Variants in OCA2 observed in about 807,000 individuals in gnomAD.
OCA2 encodes OCA2 melanosomal transmembrane protein.
A neutral mutation model predicts 100.2 loss-of-function variants in OCA2; 77 were observed. That is an observed-to-expected ratio of 0.77 (90% CI 0.64 to 0.93). The LOEUF is 0.93. Ranked by LOEUF, OCA2 falls within the 40% of genes least tolerant of loss-of-function variation. The pLI is 0.00. For missense variants in OCA2, 1,062 were observed against 1,089.1 expected (o/e 0.98, Z 0.35); for synonymous variants, 432 against 439.2 (o/e 0.98, Z 0.21).
intron 23 of OCA2, among the ~76,000 whole-genome samples, chr15:27,759,398 A>C (rs1002280444): frequency 2.0e-5 from 3 of 152,188 alleles, no homozygotes; most frequent in African/African-American, 4.8e-5. Flanking sequence ...AATATGATAA[A>C]CTTTCCTTTT....
At chr15:28,098,302 C>G (rs901077583) in intron 1 of OCA2, among the ~76,000 whole-genome samples, 4 of 152,254 alleles carry the variant, frequency 2.6e-5, no homozygotes, top group Admixed American at 1.3e-4. Context: ...ATTAGTTCTT[C>G]TATGAGAGAT....
intron 23 of OCA2, among the ~76,000 whole-genome samples, chr15:27,761,556 C>T (rs574256897): frequency 1.1e-4 from 17 of 151,786 alleles, no homozygotes; most frequent in Non-Finnish European, 1.5e-4. Context: ...TAATTTGCCC[C>T]AAATTGATTC....
intron 23 of OCA2, among the ~76,000 whole-genome samples, chr15:27,785,675 C>T (rs1327533247): frequency 6.6e-6 from 1 of 152,144 alleles, no homozygotes; most frequent in Non-Finnish European, 1.5e-5. Flanking sequence ...CTATGGAAGA[C>T]AGTATGGCAG....
At chr15:28,011,301 C>CA (rs921838690) in intron 9 of OCA2, among the ~76,000 whole-genome samples, 4 of 151,902 alleles carry the variant, frequency 2.6e-5, no homozygotes, top group African/African-American at 7.2e-5. Flanking sequence ...CCTGATTCTA[C>CA]AAAAAAAATT....
intron 2 of OCA2, among the ~76,000 whole-genome samples, chr15:28,056,305 T>TGG (rs1240167390): frequency 2.0e-5 from 3 of 152,164 alleles, no homozygotes; most frequent in Non-Finnish European, 4.4e-5. Context: ...GACAGGAGCC[T>TGG]CTCTTCTTGA....
chr15:28,010,172 A>G (rs866043593), intron 9 of OCA2, among the ~76,000 whole-genome samples: 57 of 152,264 alleles, frequency 3.7e-4, no homozygotes, highest in African/African-American at 1.3e-3. Context: ...TTTAAAAAAA[A>G]AGAGAGAGAG....
At chr15:27,719,353 A>G in the OCA2 span, among the ~76,000 whole-genome samples, 1 of 152,090 alleles carries the variant, frequency 6.6e-6, no homozygotes, top group Non-Finnish European at 1.5e-5. Flanking sequence ...GTCGTATTTA[A>G]TTAGGACTCT....
intron 19 of OCA2, among the ~76,000 whole-genome samples, chr15:27,892,157 T>C (rs908071159): frequency 3.3e-5 from 5 of 152,054 alleles, no homozygotes; most frequent in South Asian, 2.1e-4. Flanking sequence ...CTAATAGAAA[T>C]GCTACACAGA....
rs141627675 is a variant in OCA2 at position 27,983,474 on chromosome 15, C to T, written c.1374G>A (p.Glu458=). The T allele has an allele frequency of 3.0e-4, 479 of 1,614,192 alleles. No homozygotes were observed. The African/African-American group carries it at 5.7e-3, about 19-fold the overall frequency. Residue 458 remains glutamate (E), a synonymous_variant, in exon 14 of 24, where the codon GAG becomes GAA. Coordinates refer to ENST00000354638, the MANE Select transcript of OCA2 (RefSeq NM_000275.3). ...CTTGTCTTGGATCAAGGTTGAGCAC[C>T]TCACACAACCTGTCACAAATGGAGG... ...LFTPVTIRLC[E]VLNLDPRQVL... is the part of the protein sequence containing the mutation.
At position 27,905,163 on chromosome 15, in the gene OCA2, C is replaced by CAAAA. The variant is rs35906783; in HGVS notation, c.2079+20960_2079+20963dup. On this transcript the variant is annotated intron_variant, in intron 19 of 23. Transcript: ENST00000354638. Reference sequence around the variant, plus strand: ...TGGGCAACAGAATGAGACTCCACCTCAAAAAAAAAAAAAAAAAATTGGCAA... The same window carrying CAAAA: ...TGGGCAACAGAATGAGACTCCACCTCAAAAAAAAAAAAAAAAAAAAAATTGGCAA... 2.6e-3 allele frequency among the ~76,000 whole-genome samples: 298 copies of CAAAA among 114,544 alleles called. 5 individuals carry two copies. The highest frequency in any genetic ancestry group is 0.017 in the East Asian group (66 of 3,994). The allele number at this position is 114,544 out of a possible 152,430, so 75.1% of individuals were successfully genotyped here.
intron 18 of OCA2, among the ~76,000 whole-genome samples, chr15:27,940,587 G>A (rs1167169438): frequency 1.4e-5 from 2 of 144,844 alleles, no homozygotes; most frequent in Non-Finnish European, 3.0e-5. Flanking sequence ...GTTGTGTCAA[G>A]CTTCCAAGAC....
intron 2 of OCA2, among the ~76,000 whole-genome samples, chr15:28,058,934 G>A (rs2043788753): frequency 6.6e-6 from 1 of 152,198 alleles, no homozygotes; most frequent in South Asian, 2.1e-4. Flanking sequence ...AGGGGATGCA[G>A]TGGAGGTCCC....
intron 21 of OCA2, among the ~76,000 whole-genome samples, chr15:27,853,525 T>A (rs1446692681): frequency 6.6e-6 from 1 of 150,846 alleles, no homozygotes; most frequent in Non-Finnish European, 1.5e-5. Flanking sequence ...TATACATATG[T>A]AACTAACCTG....
At chr15:27,970,974 C>T (rs1432925572) in intron 14 of OCA2, among the ~76,000 whole-genome samples, 1 of 151,214 alleles carries the variant, frequency 6.6e-6, no homozygotes, top group Admixed American at 6.6e-5. Flanking sequence ...CCCCAGCAAG[C>T]ACGGCATGGT....
the OCA2 span, among the ~76,000 whole-genome samples, chr15:27,747,664 A>G: frequency 6.6e-6 from 1 of 152,178 alleles, no homozygotes; most frequent in Non-Finnish European, 1.5e-5. Flanking sequence ...TTTAAGTTGT[A>G]CCTGTTTACC....
chr15:27,749,127 A>G, the OCA2 span, among the ~76,000 whole-genome samples: 4 of 152,224 alleles, frequency 2.6e-5, no homozygotes, highest in Admixed American at 2.6e-4. Flanking sequence ...AGAAAACTTC[A>G]AAAACAATAA....
intron 23 of OCA2, among the ~76,000 whole-genome samples, chr15:27,762,891 C>A (rs181012479): frequency 4.4e-4 from 67 of 152,316 alleles, no homozygotes; most frequent in Non-Finnish European, 8.4e-4. Context: ...AGTGAGAACA[C>A]GTGGTATTTG....
intron 23 of OCA2, among the ~76,000 whole-genome samples, chr15:27,760,493 G>A (rs1400440454): frequency 6.6e-6 from 1 of 151,448 alleles, no homozygotes; most frequent in East Asian, 1.9e-4. Context: ...TTAAAAATAG[G>A]AAAACAGTGG....
chr15:27,808,325 C>T (rs1457700957), intron 23 of OCA2, among the ~76,000 whole-genome samples: 1 of 152,212 alleles, frequency 6.6e-6, no homozygotes, highest in South Asian at 2.1e-4. Flanking sequence ...CCTGAGCTGG[C>T]CATGGGGCAG....
Sources: allele counts gnomAD v4.1 joint callset (sites outside exome capture counted in the v4.1 genomes callset), GRCh38; gene constraint gnomAD v4.1.1; transcripts MANE v1.5; gene names NCBI Gene and HGNC (gene_info 2026-07-23, HGNC 2026-07-21).